The following CYTH3 variants were observed in gnomAD, a reference collection of about 807,000 sequenced individuals.
CYTH3 encodes the protein cytohesin 3.
A neutral mutation model predicts 55.1 loss-of-function variants in CYTH3; 23 were observed. The ratio of observed to expected loss-of-function variants is 0.42; its 90% CI spans 0.30 to 0.59. The LOEUF is 0.59. Among genes scored for constraint, CYTH3 ranks in the 20% least tolerant of loss-of-function variants. CYTH3 has a pLI of 0.20. For missense variants in CYTH3, 413 were observed against 524.8 expected (o/e 0.79, Z 2.08); for synonymous variants, 249 against 194.9 (o/e 1.28, Z -2.31).
intron 1 of CYTH3, among the ~76,000 whole-genome samples, chr7:6,232,168 T>TA (rs550856737): frequency 1.8e-4 from 28 of 152,248 alleles, no homozygotes; most frequent in Non-Finnish European, 3.8e-4. Flanking sequence ...TAACCACCCT[T>TA]AAACTCATTC....
chr7:6,223,233 T>A (rs1380234938), intron 1 of CYTH3, among the ~76,000 whole-genome samples: 1 of 151,872 alleles, frequency 6.6e-6, no homozygotes, highest in Admixed American at 6.6e-5. Context: ...GGCCGCCCCA[T>A]CTGGGAACTG....
chr7:6,272,410 G>GGGGGGGGGGCCCCCCCC, intron 1 of CYTH3, 64 bp downstream of exon 1: 3 of 1,216,612 alleles, frequency 2.5e-6, no homozygotes, highest in Non-Finnish European at 3.2e-6. Context: ...CCGCGCCCTC[G>GGGGGGGGGGCCCCCCCC]ACCCCCAGCC....
Position 6,272,582 on chromosome 7 carries a change from G to C in CYTH3, c.-75C>G, listed in dbSNP as rs1780697247. The C allele has an allele frequency of 9.0e-7, 1 of 1,111,388 alleles. No individual in the cohort carries two copies. The highest frequency in any genetic ancestry group is 1.7e-5 in the African/African-American group (1 of 59,676). 68.8% of individuals were successfully genotyped at this position (1,111,388 alleles called of 1,614,324 possible). ...CCGCGGGCTGGGGACGCCGCCGGAG[G>C]GAGCGCGCAGGCGACCGGGCGGCTC... On this transcript the variant is annotated 5_prime_UTR_variant, in exon 1 of 13. Transcript: ENST00000350796.
chr7:6,203,646 G>C (rs983380547), intron 1 of CYTH3, among the ~76,000 whole-genome samples: 2 of 151,914 alleles, frequency 1.3e-5, no homozygotes, highest in African/African-American at 4.8e-5. Context: ...ATTCTGAGTA[G>C]ACAACTGATT....
chr7:6,264,188 A>C (rs1367415959), intron 1 of CYTH3, among the ~76,000 whole-genome samples: 1 of 152,078 alleles, frequency 6.6e-6, no homozygotes, highest in Non-Finnish European at 1.5e-5. Context: ...CGGAGGTTGC[A>C]GTGAGCCAAG....
At chr7:6,220,848 T>C (rs1784534494) in intron 1 of CYTH3, among the ~76,000 whole-genome samples, 1 of 151,818 alleles carries the variant, frequency 6.6e-6, no homozygotes, top group Admixed American at 6.6e-5. Context: ...TACAAAAAAT[T>C]AGCCAGGCGT....
chr7:6,180,424 G>A (rs1562882124), intron 4 of CYTH3, among the ~76,000 whole-genome samples: 1 of 152,204 alleles, frequency 6.6e-6, no homozygotes, highest in Non-Finnish European at 1.5e-5. Context: ...AGAGGAGAAG[G>A]TGCAGAGAAG....
At chr7:6,257,131 A>G (rs1323817529) in intron 1 of CYTH3, among the ~76,000 whole-genome samples, 1 of 152,174 alleles carries the variant, frequency 6.6e-6, no homozygotes, top group African/African-American at 2.4e-5. Context: ...TAAGGCAATG[A>G]AAGGCATCAT....
chr7:6,270,470 G>GT (rs1194349951), intron 1 of CYTH3, among the ~76,000 whole-genome samples: 2 of 152,072 alleles, frequency 1.3e-5, no homozygotes, highest in African/African-American at 4.8e-5. Context: ...GTCTTTGATG[G>GT]TTTTTTTCCA....
chr7:6,162,015 AGTC>A lies in CYTH3; in HGVS notation c.*2926_*2928del, dbSNP rs1230041966. On this transcript the variant is annotated 3_prime_UTR_variant, in exon 13 of 13. Coordinates refer to ENST00000350796, the MANE Select transcript of CYTH3 (RefSeq NM_004227.4). ...AATAGAAATATTTTCTAAGAAAAAA[AGTC>A]AATTTGTGGTTTCTGGTCTACCACA... 1 of 152,688 alleles carries A rather than the reference AGTC, an allele frequency of 6.5e-6. No homozygotes were observed. Among genetic ancestry groups the A allele is most frequent in the African/African-American group, 2.4e-5 (1 of 41,476 alleles). 9.5% of individuals were successfully genotyped at this position (152,688 alleles called of 1,614,324 possible).
chr7:6,185,227 G>C (rs1459956929), intron 4 of CYTH3, among the ~76,000 whole-genome samples: 1 of 152,238 alleles, frequency 6.6e-6, no homozygotes, highest in South Asian at 2.1e-4. Context: ...AGTTTTCACA[G>C]TGGCTAGAGT....
At chr7:6,193,109 T>C (rs1401144318) in intron 1 of CYTH3, among the ~76,000 whole-genome samples, 2 of 151,724 alleles carry the variant, frequency 1.3e-5, no homozygotes, top group African/African-American at 2.4e-5. Context: ...AAAGCAAAGG[T>C]TGCAGTGAGC....
chr7:6,195,583 T>C (rs1239342788), intron 1 of CYTH3, among the ~76,000 whole-genome samples: 1 of 152,142 alleles, frequency 6.6e-6, no homozygotes, highest in African/African-American at 2.4e-5. Context: ...GCCTCCCAAG[T>C]AGCTGGGATT....
chr7:6,201,572 T>C (rs984494896), intron 1 of CYTH3, among the ~76,000 whole-genome samples: 1 of 152,148 alleles, frequency 6.6e-6, no homozygotes, highest in Non-Finnish European at 1.5e-5. Flanking sequence ...AGGGATCCAG[T>C]ACAGGAGGTG....
chr7:6,210,233 G>A (rs1328135104), intron 1 of CYTH3, among the ~76,000 whole-genome samples: 2 of 152,142 alleles, frequency 1.3e-5, no homozygotes, highest in Non-Finnish European at 2.9e-5. Flanking sequence ...TATACTGTCA[G>A]CTCGATTTTT....
intron 1 of CYTH3, among the ~76,000 whole-genome samples, chr7:6,264,398 G>A (rs1354209703): frequency 1.3e-5 from 2 of 152,150 alleles, no homozygotes; most frequent in East Asian, 1.9e-4. Context: ...GATCATTTGC[G>A]GTCAGGAGTT....
chr7:6,264,625 A>G (rs1429153644), intron 1 of CYTH3, among the ~76,000 whole-genome samples: 1 of 152,186 alleles, frequency 6.6e-6, no homozygotes, highest in Non-Finnish European at 1.5e-5. Flanking sequence ...AAACTAACAA[A>G]AACACCATAC....
intron 1 of CYTH3, among the ~76,000 whole-genome samples, chr7:6,202,603 ACAGGCATGCGC>A (rs1423635548): frequency 1.3e-5 from 2 of 151,914 alleles, no homozygotes; most frequent in African/African-American, 4.8e-5. Flanking sequence ...GGCTGGGATT[ACAGGCATGCGC>A]CGCCACGCCC....
chr7:6,253,863 G>A (rs541918111), intron 1 of CYTH3, among the ~76,000 whole-genome samples: 1 of 151,532 alleles, frequency 6.6e-6, no homozygotes, highest in East Asian at 1.9e-4. Context: ...TGCAGTGGCA[G>A]GCACCTGTAA....
Sources: gnomAD v4.1 joint callset for allele counts (sites outside exome capture counted in the v4.1 genomes callset) on GRCh38, gnomAD v4.1.1 for gene constraint, MANE v1.5 for transcripts, NCBI Gene and HGNC (gene_info 2026-07-23, HGNC 2026-07-21) for gene names.